Variants in PPP1R12B observed in about 807,000 individuals in gnomAD.
The protein encoded by PPP1R12B is myosin phosphatase target subunit 2.
Under a neutral mutation model 126.1 loss-of-function variants are expected in PPP1R12B, and 76 were observed. The observed-to-expected ratio is 0.60, with a 90% CI of 0.50 to 0.73. The LOEUF (loss-of-function observed/expected upper bound fraction) is 0.73, where lower values mean the gene tolerates loss of function less well. PPP1R12B is among the 30% of genes least tolerant of loss of function. The pLI is 0.00. For missense variants in PPP1R12B, 1,052 were observed against 1,205.1 expected (o/e 0.87, Z 1.88); for synonymous variants, 356 against 434.7 (o/e 0.82, Z 2.25).
intron 1 of PPP1R12B, among the ~76,000 whole-genome samples, chr1:202,389,476 C>G (rs902663905): frequency 7.8e-4 from 118 of 151,768 alleles, no homozygotes; most frequent in African/African-American, 2.6e-3. Context: ...AACCCCGTCT[C>G]TACTAAAAAT....
chr1:202,475,979 C>T (rs1373652304), intron 13 of PPP1R12B, among the ~76,000 whole-genome samples: 1 of 152,096 alleles, frequency 6.6e-6, no homozygotes, highest in Non-Finnish European at 1.5e-5. Context: ...CCGGGCAGAT[C>T]ACCTGAGGTT....
intron 13 of PPP1R12B, among the ~76,000 whole-genome samples, chr1:202,486,707 C>G (rs1312844323): frequency 1.3e-5 from 2 of 152,166 alleles, no homozygotes; most frequent in Non-Finnish European, 2.9e-5. Flanking sequence ...CTTGCAAAGG[C>G]TGAGGCGGGA....
intron 19 of PPP1R12B, among the ~76,000 whole-genome samples, chr1:202,560,601 C>G (rs1013774369): frequency 6.6e-6 from 1 of 152,156 alleles, no homozygotes; most frequent in Non-Finnish European, 1.5e-5. Flanking sequence ...TTTTAGCCAG[C>G]TTCTTCACTG....
intron 4 of PPP1R12B, among the ~76,000 whole-genome samples, chr1:202,426,727 G>A (rs960371614): frequency 6.6e-6 from 1 of 152,148 alleles, no homozygotes; most frequent in African/African-American, 2.4e-5. Context: ...AGAGTTATGT[G>A]ATTTGGCTAA....
At chr1:202,555,189 G>A (rs1686756870) in intron 18 of PPP1R12B, among the ~76,000 whole-genome samples, 1 of 151,654 alleles carries the variant, frequency 6.6e-6, no homozygotes. Context: ...TGGCTTAATT[G>A]TGCTTCTAGA....
chr1:202,449,709 C>T (rs759577660), intron 13 of PPP1R12B, among the ~76,000 whole-genome samples: 14 of 151,690 alleles, frequency 9.2e-5, no homozygotes, highest in African/African-American at 1.7e-4. Context: ...TTTTTTGAGA[C>T]GGAGTCTTGC....
At chr1:202,463,408 T>C (rs1259203947) in intron 13 of PPP1R12B, among the ~76,000 whole-genome samples, 2 of 152,218 alleles carry the variant, frequency 1.3e-5, no homozygotes. Context: ...TATTCTTAAG[T>C]TGGATAGTAA....
rs1189837692 is a variant in PPP1R12B, at chr1:202,589,534, A to C, written c.*8974A>C. ...AGCATGACCGATGCAAAGGGTTCCT[A>C]GACTGCAAATGTCATTTCTCTTTCT... On this transcript the variant is annotated 3_prime_UTR_variant, in exon 24 of 24. Coordinates refer to ENST00000608999, the MANE Select transcript of PPP1R12B (RefSeq NM_002481.4). The C allele has an allele frequency of 6.6e-6, 1 of 152,308 alleles. No individual in the cohort carries two copies. The highest frequency in any genetic ancestry group is 1.5e-5 in the Non-Finnish European group (1 of 68,114). 9.4% of individuals were successfully genotyped at this position (152,308 alleles called of 1,614,324 possible). A position where few individuals can be genotyped will look rare whatever the true frequency, so the allele number is the denominator to read the frequency against.
intron 1 of PPP1R12B, among the ~76,000 whole-genome samples, chr1:202,377,921 G>T (rs1661510494): frequency 7.0e-6 from 1 of 141,910 alleles, no homozygotes; most frequent in South Asian, 2.2e-4. Context: ...CTCACTGCAG[G>T]CTCCGCCCCC....
chr1:202,409,737 C>T (rs1667143475), intron 1 of PPP1R12B, among the ~76,000 whole-genome samples: 1 of 152,098 alleles, frequency 6.6e-6, no homozygotes, highest in African/African-American at 2.4e-5. Context: ...TATCATAGCT[C>T]ACTGCAGCCT....
chr1:202,564,206 T>G (rs1341486787), intron 20 of PPP1R12B, among the ~76,000 whole-genome samples: 1 of 152,174 alleles, frequency 6.6e-6, no homozygotes, highest in Non-Finnish European at 1.5e-5. Flanking sequence ...GTAATGACTG[T>G]TTTTCCCCCA....
At chr1:202,468,649 T>C (rs1270136079) in intron 13 of PPP1R12B, among the ~76,000 whole-genome samples, 2 of 152,140 alleles carry the variant, frequency 1.3e-5, no homozygotes, top group Non-Finnish European at 2.9e-5. Context: ...GCATTTGGAA[T>C]AGGTAAAGAA....
At chr1:202,549,333 G>C (rs890019972) in intron 18 of PPP1R12B, among the ~76,000 whole-genome samples, 1 of 151,832 alleles carries the variant, frequency 6.6e-6, no homozygotes, top group Non-Finnish European at 1.5e-5. Flanking sequence ...TATCTAGTCA[G>C]TATTGGTCTC....
At chr1:202,430,461 C>CT (rs3835140) in intron 6 of PPP1R12B, among the ~76,000 whole-genome samples, 65,086 of 149,920 alleles carry the variant, frequency 0.43, 15,283 homozygotes, top group East Asian at 0.7. Flanking sequence ...AGAATCTAGA[C>CT]TTTTTTTTTT....
intron 14 of PPP1R12B, among the ~76,000 whole-genome samples, chr1:202,492,808 G>A (rs938650767): frequency 3.3e-5 from 5 of 152,122 alleles, no homozygotes; most frequent in African/African-American, 1.2e-4. Flanking sequence ...AAGATACTGA[G>A]AACTATTTGG....
intron 23 of PPP1R12B, among the ~76,000 whole-genome samples, chr1:202,569,764 A>C (rs1032970309): frequency 3.3e-5 from 5 of 152,228 alleles, no homozygotes; most frequent in African/African-American, 1.2e-4. Flanking sequence ...GAATAAGCTC[A>C]TGCCACCAGA....
At chr1:202,462,857 G>A (rs1393309069) in intron 13 of PPP1R12B, 13 of 985,118 alleles carry the variant, frequency 1.3e-5, no homozygotes, top group African/African-American at 1.7e-5. Flanking sequence ...ACAAGTGTGT[G>A]GCAAGGTGTG....
At chr1:202,470,905 CAAA>C (rs762680749) in intron 13 of PPP1R12B, among the ~76,000 whole-genome samples, 2 of 92,856 alleles carry the variant, frequency 2.2e-5, no homozygotes, top group African/African-American at 7.1e-5. Context: ...GACCTCATCT[CAAA>C]AAAAAAAAAA....
At chr1:202,399,622 G>A (rs1196331370) in intron 1 of PPP1R12B, among the ~76,000 whole-genome samples, 1 of 151,476 alleles carries the variant, frequency 6.6e-6, no homozygotes, top group African/African-American at 2.4e-5. Flanking sequence ...TCAGCCTCCT[G>A]AGTAGCTGGG....
Sources: allele counts gnomAD v4.1 joint callset (sites outside exome capture counted in the v4.1 genomes callset), GRCh38; gene constraint gnomAD v4.1.1; transcripts MANE v1.5; gene names NCBI Gene and HGNC (gene_info 2026-07-23, HGNC 2026-07-21).